Variants in PARP8 observed in about 807,000 individuals in gnomAD.
PARP8 encodes protein mono-ADP-ribosyltransferase PARP8.
Under a neutral mutation model 124.1 loss-of-function variants are expected in PARP8, and 51 were observed. That is an observed-to-expected ratio of 0.41 (90% confidence interval 0.33 to 0.52). The LOEUF is 0.52. Ranked by LOEUF, PARP8 falls within the 20% of genes least tolerant of loss-of-function variation. The pLI, the probability that PARP8 is intolerant of heterozygous loss-of-function variation, is 0.21. For missense variants in PARP8, 860 were observed against 1,018.9 expected, an observed-to-expected ratio of 0.84 and a Z score of 2.12; for synonymous variants, 391 against 361.5, an observed-to-expected ratio of 1.08 and a Z score of -0.93.
intron 2 of PARP8, among the ~76,000 whole-genome samples, chr5:50,720,132 A>G (rs1002980926): frequency 6.6e-6 from 1 of 152,086 alleles, no homozygotes; most frequent in African/African-American, 2.4e-5. Context: ...TGCTTCTTAT[A>G]TAATGAAAGC....
intron 2 of PARP8, among the ~76,000 whole-genome samples, chr5:50,733,995 G>A (rs911670698): frequency 6.6e-6 from 1 of 152,098 alleles, no homozygotes; most frequent in African/African-American, 2.4e-5. Flanking sequence ...AACAGTAACT[G>A]ATAACTTTAC....
chr5:50,741,018 T>C (rs1312502608), intron 2 of PARP8, among the ~76,000 whole-genome samples: 1 of 152,158 alleles, frequency 6.6e-6, no homozygotes, highest in Non-Finnish European at 1.5e-5. Context: ...ATTTAGTTTT[T>C]CCGTCTTGGT....
intron 17 of PARP8, among the ~76,000 whole-genome samples, chr5:50,822,660 G>A (rs894861958): frequency 1.3e-5 from 2 of 152,112 alleles, no homozygotes; most frequent in Non-Finnish European, 2.9e-5. Context: ...TAGGTATGTC[G>A]GGATATTTTA....
intron 2 of PARP8, among the ~76,000 whole-genome samples, chr5:50,685,707 A>G (rs1428422681): frequency 6.6e-6 from 1 of 152,194 alleles, no homozygotes; most frequent in South Asian, 2.1e-4. Context: ...TGGGCAATTT[A>G]CAAAAGAAAG....
At chr5:50,717,458 G>A (rs978561663) in intron 2 of PARP8, among the ~76,000 whole-genome samples, 5 of 151,984 alleles carry the variant, frequency 3.3e-5, no homozygotes, top group African/African-American at 1.2e-4. Context: ...GGAATCAGCA[G>A]GTCAAATCAG....
intron 3 of PARP8, among the ~76,000 whole-genome samples, chr5:50,757,901 G>A (rs780106418): frequency 6.6e-6 from 1 of 151,854 alleles, no homozygotes; most frequent in Non-Finnish European, 1.5e-5. Context: ...CTTCTACTTG[G>A]TGGCCAGCTT....
chr5:50,828,906 A>G (rs1483581104), intron 21 of PARP8, among the ~76,000 whole-genome samples: 8 of 149,878 alleles, frequency 5.3e-5, no homozygotes, highest in Non-Finnish European at 8.8e-5. Context: ...AAAAGAAAAA[A>G]AAAGAAAAGA....
At chr5:50,674,449 C>G (rs575629755) in intron 2 of PARP8, among the ~76,000 whole-genome samples, 1 of 152,352 alleles carries the variant, frequency 6.6e-6, no homozygotes, top group African/African-American at 2.4e-5. Context: ...TGACTTAGAT[C>G]AATCGCCTTA....
At position 50,724,418 on chromosome 5, in the gene PARP8, GA is replaced by G. The variant is rs1301955634; in HGVS notation, c.147-25724del. ...CAGTGTATGTGCCAGCACAGCAAAAGAAAAAAAAATCAGTTTGGTTATTCTT... is the reference window on the plus strand; with the variant it reads ...CAGTGTATGTGCCAGCACAGCAAAAGAAAAAAAATCAGTTTGGTTATTCTT... On this transcript the variant is annotated intron_variant, in intron 2 of 25. Transcript: ENST00000281631. Among the ~76,000 whole-genome samples, 19 of 150,622 alleles carry G rather than the reference GA, an allele frequency of 1.3e-4. 1 individual carries two copies. Among genetic ancestry groups the G allele is most frequent in the African/African-American group, 2.2e-4 (9 of 41,072 alleles).
rs553351426 is a variant in PARP8, at chr5:50,799,820, T to G, written c.1575+2587T>G. Among the ~76,000 whole-genome samples the G allele has an allele frequency of 3.3e-5, 5 of 152,234 alleles. 1 individual carries two copies. In the South Asian group the frequency reaches 1.0e-3, roughly 32 times the overall value. ...CTTTGTAATAGAGCACAAAGAGCTC[T>G]CTCACTCCTCTACCATGAAAGGACA... On this transcript the variant is annotated intron_variant, in intron 14 of 25. Transcript: ENST00000281631.
At chr5:50,708,259 C>G (rs1234607248) in intron 2 of PARP8, among the ~76,000 whole-genome samples, 1 of 151,956 alleles carries the variant, frequency 6.6e-6, no homozygotes, top group Non-Finnish European at 1.5e-5. Context: ...CTCCTTTTTT[C>G]TTGAGTCTGA....
At chr5:50,831,882 G>A (rs1747027532) in intron 22 of PARP8, among the ~76,000 whole-genome samples, 1 of 152,152 alleles carries the variant, frequency 6.6e-6, no homozygotes, top group African/African-American at 2.4e-5. Flanking sequence ...AATCACTACA[G>A]TAAGATGACG....
At chr5:50,809,265 A>G (rs2149678954) in intron 14 of PARP8, among the ~76,000 whole-genome samples, 1 of 152,186 alleles carries the variant, frequency 6.6e-6, no homozygotes, top group Non-Finnish European at 1.5e-5. Flanking sequence ...TAAAACTGTA[A>G]ATACAGAGAA....
intron 14 of PARP8, among the ~76,000 whole-genome samples, chr5:50,812,279 G>A (rs1020572033): frequency 1.1e-4 from 17 of 152,018 alleles, no homozygotes; most frequent in Non-Finnish European, 1.6e-4. Context: ...TTTAATGATC[G>A]CCATTCCAAC....
chr5:50,709,922 G>GTATATATATATATA, intron 2 of PARP8, among the ~76,000 whole-genome samples: 1 of 93,928 alleles, frequency 1.1e-5, no homozygotes, highest in African/African-American at 4.0e-5. Flanking sequence ...TAGAAAGAGT[G>GTATATATATATATA]TATATATATA....
chr5:50,717,734 A>T (rs1394219528), intron 2 of PARP8, among the ~76,000 whole-genome samples: 1 of 151,964 alleles, frequency 6.6e-6, no homozygotes, highest in African/African-American at 2.4e-5. Flanking sequence ...AGCCAACAAA[A>T]GTGTTTTGAT....
intron 22 of PARP8, 111 bp from the exon 23 acceptor site, chr5:50,832,670 T>A: frequency 9.8e-7 from 1 of 1,024,932 alleles, no homozygotes; most frequent in Non-Finnish European, 1.5e-6. Context: ...GTCTCTAGCC[T>A]AATGTGATCA....
chr5:50,678,371 T>C (rs1333994032), intron 2 of PARP8, among the ~76,000 whole-genome samples: 1 of 152,186 alleles, frequency 6.6e-6, no homozygotes, highest in Non-Finnish European at 1.5e-5. Flanking sequence ...ACATAACATG[T>C]ACATACCTGA....
At chr5:50,722,715 A>G (rs1233955747) in intron 2 of PARP8, among the ~76,000 whole-genome samples, 2 of 152,080 alleles carry the variant, frequency 1.3e-5, no homozygotes, top group East Asian at 3.9e-4. Flanking sequence ...TCTGACAGAC[A>G]TTTTGTTAAA....
Sources: allele counts gnomAD v4.1 joint callset (sites outside exome capture counted in the v4.1 genomes callset), GRCh38; gene constraint gnomAD v4.1.1; transcripts MANE v1.5; gene names NCBI Gene and HGNC (gene_info 2026-07-23, HGNC 2026-07-21).